DET1: variants seen among roughly 807,000 people sequenced by gnomAD.
DET1 encodes DET1 homolog.
In DET1, 22 loss-of-function variants were observed where a neutral mutation model predicts 43.7. That is an observed-to-expected ratio of 0.50 (90% CI 0.36 to 0.72). The LOEUF is 0.72. DET1 is among the 30% of genes least tolerant of loss of function. DET1 has a pLI of 0.00. For missense variants in DET1, 713 were observed against 713.3 expected, an observed-to-expected ratio of 1.00 and a Z score of 0.00; for synonymous variants, 315 against 266.2, an observed-to-expected ratio of 1.18 and a Z score of -1.79.
intron 4 of DET1, among the ~76,000 whole-genome samples, chr15:88,513,793 C>CTTT (rs55855042): frequency 3.0e-3 from 207 of 68,480 alleles, no homozygotes; most frequent in African/African-American, 3.6e-3. Context: ...AGAATAAATT[C>CTTT]TTTTTTTTTT....
At chr15:88,527,852 A>C in intron 2 of DET1, 66 bp from the exon 3 acceptor site, 1 of 1,240,400 alleles carries the variant, frequency 8.1e-7, no homozygotes, top group Non-Finnish European at 1.0e-6. Context: ...GAAACTTAGC[A>C]CTTATTACTT....
chr15:88,515,538 TATAAAAAAA>T (rs1458591705), intron 4 of DET1, among the ~76,000 whole-genome samples: 12 of 47,480 alleles, frequency 2.5e-4, no homozygotes, highest in African/African-American at 5.9e-4. Context: ...GACTCCGTCT[TATAAAAAAA>T]AAAAAAAAAA....
chr15:88,542,182 A>C (rs1312107112), intron 1 of DET1, among the ~76,000 whole-genome samples: 1 of 152,052 alleles, frequency 6.6e-6, no homozygotes, highest in Non-Finnish European at 1.5e-5. Context: ...CTCTGAGGAG[A>C]GGGAGCGCAT....
rs776100926 is a variant in DET1 at position 88,531,630 on chromosome 15, G to A, written c.76C>T (p.Arg26Trp). Residue 26 changes from arginine (R) to tryptophan (W), a missense_variant, in exon 2 of 5, where the codon CGG (arginine) becomes TGG (tryptophan). Physicochemically the swap from Arg to Trp is moderately radical, Grantham distance 101 (BLOSUM62 -3). Coordinates refer to ENST00000268148, the MANE Select transcript of DET1 (RefSeq NM_001144074.3). The surrounding 1 kb of genome is among the most constrained non-coding windows in gnomAD (Gnocchi z 6.2). The part of the protein sequence containing the change: ...QNVIHRLERR[R>W]ISSGKAGTHW... ...GTACCTGCCTTGCCTGAACTGATCC[G>A]CCGGCGTTCCAAGCGGTGAATGACA... 43 of 1,613,864 alleles carry A rather than the reference G, an allele frequency of 2.7e-5. No individual in the cohort carries two copies. The highest frequency in any genetic ancestry group is 5.5e-5 in the South Asian group (5 of 91,092).
At chr15:88,510,091 G>C (rs185389845), downstream of DET1, among the ~76,000 whole-genome samples, 41 of 152,330 alleles carry the variant, frequency 2.7e-4, no homozygotes, top group African/African-American at 9.1e-4. Context: ...CTGAGTCAGG[G>C]ATTGGAGGCT....
intron 1 of DET1, among the ~76,000 whole-genome samples, chr15:88,538,507 G>T (rs947458247): frequency 6.6e-6 from 1 of 151,504 alleles, no homozygotes; most frequent in Non-Finnish European, 1.5e-5. Flanking sequence ...CTAAACCAAG[G>T]TATAAAAGTT....
rs1567056827 is a variant in DET1 at position 88,513,060 on chromosome 15, C to T, written c.1544G>A (p.Arg515Gln). Residue 515 changes from arginine (R) to glutamine (Q), a missense_variant, in exon 5 of 5, where the codon CGA (arginine) becomes CAA (glutamine). Coordinates refer to ENST00000268148, the MANE Select transcript of DET1 (RefSeq NM_001144074.3). Reference protein sequence around the residue: ...LLGRPINHTVRRLVAFTFHPF... With the variant: ...LLGRPINHTVQRLVAFTFHPF... ...GTGAAAGGTGAAGGCAACAAGGCGT[C>T]GCACTGTGTGGTTGATGGGGCGGCC... 6.2e-7 allele frequency: 1 copy of T among 1,614,062 alleles called. No individual in the cohort carries two copies. The highest frequency in any genetic ancestry group is 1.7e-5 in the Admixed American group (1 of 60,030).
chr15:88,542,910 A>G (rs2057148845), intron 1 of DET1, among the ~76,000 whole-genome samples: 1 of 152,178 alleles, frequency 6.6e-6, no homozygotes, highest in African/African-American at 2.4e-5. Context: ...AAAAGTCAGA[A>G]AACAAAAAGT....
chr15:88,513,152 A>G lies in DET1; in HGVS notation c.1464-12T>C. ...CCCGGGCATAGAACCTAAAAAGAACAAGGACAGAGACAGAGAAAGAGGGGA... is the reference window on the plus strand; with the variant it reads ...CCCGGGCATAGAACCTAAAAAGAACGAGGACAGAGACAGAGAAAGAGGGGA... On this transcript the variant is annotated splice_polypyrimidine_tract_variant and intron_variant, in intron 4 of 4. Coordinates refer to ENST00000268148, the MANE Select transcript of DET1 (RefSeq NM_001144074.3). The G allele has an allele frequency of 1.9e-6, 3 of 1,599,452 alleles. No homozygotes were observed. The South Asian group carries it at 3.4e-5, about 18-fold the overall frequency.
chr15:88,545,573 T>G (rs1204554777), intron 1 of DET1, among the ~76,000 whole-genome samples: 1 of 152,180 alleles, frequency 6.6e-6, no homozygotes, highest in Non-Finnish European at 1.5e-5. Flanking sequence ...ATCATACTAT[T>G]AAGTTTAATT....
chr15:88,539,151 A>T (rs945746283), intron 1 of DET1, among the ~76,000 whole-genome samples: 1 of 151,876 alleles, frequency 6.6e-6, no homozygotes, highest in African/African-American at 2.4e-5. Flanking sequence ...AATCTCCAGG[A>T]AAGAAAAAAA....
At chr15:88,523,896 G>A (rs1305748492) in intron 3 of DET1, among the ~76,000 whole-genome samples, 7 of 151,738 alleles carry the variant, frequency 4.6e-5, no homozygotes, top group African/African-American at 1.2e-4. Context: ...CTGCCTGGCC[G>A]CCCATCGTCT....
chr15:88,517,555 C>T (rs2056380396), intron 3 of DET1, among the ~76,000 whole-genome samples: 1 of 152,108 alleles, frequency 6.6e-6, no homozygotes, highest in Non-Finnish European at 1.5e-5. Context: ...AAAGACTCTA[C>T]AAACAAGTTT....
chr15:88,542,327 T>G (rs2057130863), intron 1 of DET1, among the ~76,000 whole-genome samples: 1 of 152,104 alleles, frequency 6.6e-6, no homozygotes. Context: ...AGGAGAGCCT[T>G]GGACGATTTT....
At chr15:88,503,164 T>TG (rs1386396693) in intron 8 of DET1, 5 of 152,094 alleles carry the variant, frequency 3.3e-5, no homozygotes, top group African/African-American at 1.2e-4. Flanking sequence ...CTTGGGAGAC[T>TG]GGGGCATGAG....
chr15:88,536,264 C>G (rs745466972), intron 1 of DET1: 1 of 751,636 alleles, frequency 1.3e-6, no homozygotes, highest in Non-Finnish European at 2.5e-6. Context: ...ACTGATACAC[C>G]CTATATTATT....
intron 2 of DET1, among the ~76,000 whole-genome samples, chr15:88,529,077 T>TG (rs1488423418): frequency 5.3e-5 from 8 of 152,210 alleles, no homozygotes; most frequent in Admixed American, 5.2e-4. Flanking sequence ...AACCCAGTTA[T>TG]GTCATTAGCT....
In DET1 at chr15:88,527,694, G is replaced by T. The variant is rs767351579; in HGVS notation, c.1176C>A (p.Asn392Lys). Reference protein sequence around the residue: ...TSDELLELFENFCDLFRNATL... With the variant: ...TSDELLELFEKFCDLFRNATL... ...TAGCATTACGAAAAAGGTCACAGAA[G>T]TTCTCAAAGAGCTCCAAAAGCTCAT... is the stretch of plus-strand genomic sequence containing the variant. Residue 392 changes from asparagine (N) to lysine (K), a missense_variant, in exon 3 of 5, where the codon AAC becomes AAA. By Grantham distance (94) the Asn-to-Lys change is moderately conservative. Transcript: ENST00000268148. 2.5e-6 allele frequency: 4 copies of T among 1,613,774 alleles called. No individual in the cohort carries two copies. In the East Asian group the frequency reaches 8.9e-5, roughly 36 times the overall value.
intron 1 of DET1, among the ~76,000 whole-genome samples, chr15:88,541,245 C>T (rs1279854141): frequency 1.3e-5 from 2 of 150,488 alleles, no homozygotes; most frequent in Non-Finnish European, 3.0e-5. Context: ...GTCTATGATG[C>T]AAAGACCTTT....
Sources: allele counts gnomAD v4.1 joint callset (sites outside exome capture counted in the v4.1 genomes callset), GRCh38; gene constraint gnomAD v4.1.1; non-coding constraint Gnocchi (gnomAD v3.1); transcripts MANE v1.5; gene names NCBI Gene and HGNC (gene_info 2026-07-23, HGNC 2026-07-21).